The following CNOT4 variants were observed in gnomAD, a reference collection of about 807,000 sequenced individuals.
CNOT4 encodes CCR4-associated factor 4.
CNOT4 carries 8 observed loss-of-function variants against 73.8 expected under a neutral mutation model. The observed-to-expected ratio is 0.11, with a 90% confidence interval of 0.06 to 0.20. CNOT4 has a LOEUF of 0.20. CNOT4 is among the 10% of genes least tolerant of loss of function. The probability of loss-of-function intolerance (pLI) is 1.00; values close to 1 mark genes in which losing one functional copy is unlikely to be tolerated. For missense variants in CNOT4, 564 were observed against 883.4 expected (o/e 0.64, Z 4.58); for synonymous variants, 293 against 321.1 (o/e 0.91, Z 0.94).
intron 10 of CNOT4, among the ~76,000 whole-genome samples, chr7:135,379,950 AG>A (rs1795747147): frequency 6.5e-3 from 1 of 154 alleles, no homozygotes; most frequent in African/African-American, 0.011. Context: ...GTAAATGCTA[AG>A]TGCAGTCCTT....
intron 1 of CNOT4, among the ~76,000 whole-genome samples, chr7:135,487,728 A>T (rs1409600058): frequency 6.6e-6 from 1 of 152,202 alleles, no homozygotes; most frequent in East Asian, 1.9e-4. Flanking sequence ...CAGAATTGAT[A>T]TTAGATTGTG....
intron 10 of CNOT4, among the ~76,000 whole-genome samples, chr7:135,374,183 C>CA (rs1184109508): frequency 3.3e-5 from 5 of 152,164 alleles, no homozygotes; most frequent in Admixed American, 6.5e-5. Flanking sequence ...CATCTAAACT[C>CA]AAAGACTTTG....
intron 1 of CNOT4, among the ~76,000 whole-genome samples, chr7:135,473,025 A>C (rs1413454897): frequency 2.0e-5 from 3 of 151,780 alleles, no homozygotes; most frequent in Non-Finnish European, 4.4e-5. Flanking sequence ...TGGGTGACAG[A>C]GCAAGACTCT....
At chr7:135,423,776 A>G (rs953047251) in intron 2 of CNOT4, among the ~76,000 whole-genome samples, 6 of 152,150 alleles carry the variant, frequency 3.9e-5, no homozygotes, top group African/African-American at 7.2e-5. Flanking sequence ...TGATTCCCAC[A>G]TTAAGAATCT....
At chr7:135,370,164 G>C (rs1242459156) in intron 10 of CNOT4, among the ~76,000 whole-genome samples, 2 of 152,158 alleles carry the variant, frequency 1.3e-5, no homozygotes, top group African/African-American at 4.8e-5. Flanking sequence ...CTAGGTCACA[G>C]ACAAAATCTT....
intron 10 of CNOT4, among the ~76,000 whole-genome samples, chr7:135,365,066 C>T (rs1362543699): frequency 6.6e-6 from 1 of 152,184 alleles, no homozygotes; most frequent in Non-Finnish European, 1.5e-5. Flanking sequence ...TGGCAATCAA[C>T]GCTGAGAAGG....
At chr7:135,503,213 C>G (rs1804115379) in intron 1 of CNOT4, among the ~76,000 whole-genome samples, 1 of 151,958 alleles carries the variant, frequency 6.6e-6, no homozygotes, top group Non-Finnish European at 1.5e-5. Context: ...ACCTGCAATC[C>G]CAGCACTTTG....
intron 10 of CNOT4, among the ~76,000 whole-genome samples, chr7:135,370,625 A>G (rs1795148643): frequency 6.6e-6 from 1 of 152,210 alleles, no homozygotes; most frequent in South Asian, 2.1e-4. Context: ...TACATTCTTC[A>G]GCATGTAGCT....
chr7:135,492,491 C>G (rs113372526), intron 1 of CNOT4, among the ~76,000 whole-genome samples: 3,411 of 152,176 alleles, frequency 0.022, 127 homozygotes, highest in African/African-American at 0.07. Flanking sequence ...AGTGAAAAGG[C>G]AATAGAATCA....
At chr7:135,448,506 G>A (rs1799966938) in intron 1 of CNOT4, among the ~76,000 whole-genome samples, 2 of 145,610 alleles carry the variant, frequency 1.4e-5, no homozygotes, top group South Asian at 2.4e-4. Flanking sequence ...AATCAGCCTG[G>A]GTGACAGAGC....
chr7:135,397,165 T>A (rs114692137), intron 8 of CNOT4, among the ~76,000 whole-genome samples: 2 of 152,146 alleles, frequency 1.3e-5, no homozygotes, highest in South Asian at 4.2e-4. Flanking sequence ...TAAAACTCTA[T>A]AATAACAGAA....
chr7:135,489,384 C>T (rs560719239), intron 1 of CNOT4, among the ~76,000 whole-genome samples: 74 of 145,924 alleles, frequency 5.1e-4, no homozygotes, highest in African/African-American at 1.7e-3. Flanking sequence ...TCAGACTAGT[C>T]ACATTTCTTT....
intron 3 of CNOT4, among the ~76,000 whole-genome samples, chr7:135,420,355 T>C (rs761153760): frequency 2.6e-5 from 4 of 151,926 alleles, no homozygotes; most frequent in African/African-American, 4.8e-5. Flanking sequence ...GGCAGGCAGA[T>C]TGCTTGAGCT....
chr7:135,395,400 T>C (rs1453160107), intron 9 of CNOT4, among the ~76,000 whole-genome samples: 2 of 152,148 alleles, frequency 1.3e-5, no homozygotes, highest in South Asian at 2.1e-4. Flanking sequence ...CTTTTTACTA[T>C]TGGGAAAACA....
intron 10 of CNOT4, among the ~76,000 whole-genome samples, chr7:135,379,558 G>T (rs1795721751): frequency 6.6e-6 from 1 of 152,150 alleles, no homozygotes; most frequent in South Asian, 2.1e-4. Flanking sequence ...TAGGGTATGT[G>T]TGTGCCTATA....
chr7:135,469,903 C>A (rs1801467445), intron 1 of CNOT4, among the ~76,000 whole-genome samples: 2 of 152,036 alleles, frequency 1.3e-5, no homozygotes, highest in African/African-American at 4.8e-5. Context: ...CCCATTGCAA[C>A]CTCCACCTCC....
rs79472726 is a variant in CNOT4, at chr7:135,402,866, C to T, written c.822-4640G>A. On this transcript the variant is annotated intron_variant, in intron 7 of 11. Transcript: ENST00000541284. The stretch of plus-strand genomic sequence containing the variant: ...GCTTGAATTTTACTTTCTTTTACTA[C>T]TTCCTTAATGGCGATGCCAACCAAA... Among the ~76,000 whole-genome samples the T allele has an allele frequency of 6.0e-3, 920 of 152,278 alleles. 31 individuals carry two copies. In the East Asian group the frequency reaches 0.093, roughly 15 times the overall value.
chr7:135,468,604 T>G (rs1437643574), intron 1 of CNOT4, among the ~76,000 whole-genome samples: 1 of 148,740 alleles, frequency 6.7e-6, no homozygotes, highest in African/African-American at 2.5e-5. Context: ...TCGCTTGAAC[T>G]CAGGAGGCAG....
At position 135,390,352 on chromosome 7, in the gene CNOT4, C is replaced by T. The variant is rs545328989; in HGVS notation, c.1627+3566G>A. On this transcript the variant is annotated intron_variant, in intron 10 of 11. Transcript: ENST00000541284. ...TTAAGCTTTCTGGAACACAGCTTTG[C>T]TATTCCTAAAATGAAGGAATTGGAC... Among the ~76,000 whole-genome samples the T allele has an allele frequency of 8.1e-4, 123 of 152,114 alleles. No homozygotes were observed. The South Asian group carries it at 9.8e-3, about 12-fold the overall frequency.
Sources: allele counts gnomAD v4.1 joint callset (sites outside exome capture counted in the v4.1 genomes callset), GRCh38; gene constraint gnomAD v4.1.1; transcripts MANE v1.5; gene names NCBI Gene and HGNC (gene_info 2026-07-23, HGNC 2026-07-21).